The following ACOXL variants were observed in gnomAD, a reference collection of about 807,000 sequenced individuals.
ACOXL encodes the protein acyl-CoA oxidase like.
Under a neutral mutation model 71.9 loss-of-function variants are expected in ACOXL, and 70 were observed. That is an observed-to-expected ratio of 0.97 (90% CI 0.80 to 1.19). ACOXL has a LOEUF of 1.19. Among genes scored for constraint, ACOXL ranks in the 50% most tolerant of loss-of-function variants. The pLI, the probability that ACOXL is intolerant of heterozygous loss-of-function variation, is 0.00. For missense variants in ACOXL, 703 were observed against 736.3 expected, an observed-to-expected ratio of 0.95 and a Z score of 0.52; for synonymous variants, 253 against 281.6, an observed-to-expected ratio of 0.90 and a Z score of 1.02.
chr2:110,967,974 C>A, intron 12 of ACOXL: 1 of 926,778 alleles, frequency 1.1e-6, no homozygotes, highest in South Asian at 1.3e-5. Flanking sequence ...ACAACACACC[C>A]AAATATAGGA....
At chr2:111,044,756 T>C (rs1208415710) in intron 15 of ACOXL, among the ~76,000 whole-genome samples, 1 of 152,220 alleles carries the variant, frequency 6.6e-6, no homozygotes, top group Non-Finnish European at 1.5e-5. Flanking sequence ...GTATCTCCCA[T>C]TTTGTAAGGT....
At chr2:111,074,541 T>C (rs2067502681) in intron 16 of ACOXL, among the ~76,000 whole-genome samples, 1 of 152,150 alleles carries the variant, frequency 6.6e-6, no homozygotes, top group South Asian at 2.1e-4. Flanking sequence ...CATCAATTGA[T>C]ATGATTATGG....
At chr2:111,031,131 TC>T (rs2065244960) in intron 14 of ACOXL, among the ~76,000 whole-genome samples, 1 of 152,214 alleles carries the variant, frequency 6.6e-6, no homozygotes, top group African/African-American at 2.4e-5. Flanking sequence ...TTATGTTAAT[TC>T]CTCACATATA....
chr2:110,970,304 A>T (rs1348418438), intron 12 of ACOXL, among the ~76,000 whole-genome samples: 1 of 152,238 alleles, frequency 6.6e-6, no homozygotes, highest in Non-Finnish European at 1.5e-5. Context: ...ACCTAGTGGA[A>T]TTTATCTCTG....
At chr2:110,739,515 C>A (rs1677249295) in intron 1 of ACOXL, among the ~76,000 whole-genome samples, 1 of 152,220 alleles carries the variant, frequency 6.6e-6, no homozygotes, top group Admixed American at 6.5e-5. Flanking sequence ...AGGGTGTCCA[C>A]AGCATGGAGG....
At chr2:110,840,243 C>G (rs575756638) in intron 9 of ACOXL, among the ~76,000 whole-genome samples, 1 of 152,124 alleles carries the variant, frequency 6.6e-6, no homozygotes, top group Non-Finnish European at 1.5e-5. Flanking sequence ...GCTAGTGAAA[C>G]TTACATAGGC....
intron 14 of ACOXL, among the ~76,000 whole-genome samples, chr2:111,029,893 C>T (rs1364575864): frequency 6.6e-6 from 1 of 152,098 alleles, no homozygotes; most frequent in Non-Finnish European, 1.5e-5. Context: ...CTGAGGGGTG[C>T]AGTTGTAGCC....
intron 10 of ACOXL, among the ~76,000 whole-genome samples, chr2:110,847,069 T>C (rs1691991708): frequency 6.6e-6 from 1 of 152,056 alleles, no homozygotes; most frequent in African/African-American, 2.4e-5. Context: ...GGTTTTTGGG[T>C]GGAATCCACA....
In ACOXL at chr2:110,963,581, G is replaced by C. The variant is rs779548203; in HGVS notation, c.1060-23527G>C. The C allele has an allele frequency of 4.2e-6, 5 of 1,193,526 alleles. No homozygotes were observed. The South Asian group carries it at 7.9e-5, about 19-fold the overall frequency. The allele number at this position is 1,193,526 out of a possible 1,614,324, so 73.9% of individuals were successfully genotyped here. A position where few individuals can be genotyped will look rare whatever the true frequency, so the allele number is the denominator to read the frequency against. On this transcript the variant is annotated intron_variant, in intron 12 of 17. Coordinates refer to ENST00000439055, the MANE Select transcript of ACOXL (RefSeq NM_001142807.4). Reference sequence around the variant, plus strand: ...AAATTTGAAATGTGTGTGTGTGTGTGTGTGTGTGTGTGTGTGTGTGTGTTT... The same window carrying C: ...AAATTTGAAATGTGTGTGTGTGTGTCTGTGTGTGTGTGTGTGTGTGTGTTT...
At chr2:110,881,712 T>A (rs1696672382) in intron 10 of ACOXL, among the ~76,000 whole-genome samples, 1 of 152,196 alleles carries the variant, frequency 6.6e-6, no homozygotes, top group Non-Finnish European at 1.5e-5. Flanking sequence ...TCTAGAGTTT[T>A]ATGTGGGTGG....
intron 12 of ACOXL, among the ~76,000 whole-genome samples, chr2:110,982,293 G>A (rs2062741947): frequency 1.3e-5 from 2 of 152,086 alleles, no homozygotes; most frequent in Non-Finnish European, 2.9e-5. Flanking sequence ...ATTACTCAGA[G>A]CTGCTTACTT....
chr2:110,769,486 CA>C (rs113011269), intron 2 of ACOXL, among the ~76,000 whole-genome samples: 138 of 140,274 alleles, frequency 9.8e-4, no homozygotes, highest in Middle Eastern at 3.6e-3. Context: ...CCTGTCTCCA[CA>C]AAAAAAAAAA....
At chr2:110,892,306 T>C (rs974319927) in intron 10 of ACOXL, among the ~76,000 whole-genome samples, 1 of 152,064 alleles carries the variant, frequency 6.6e-6, no homozygotes, top group Admixed American at 6.6e-5. Context: ...CGCCCTGAAA[T>C]GAAGTCCTGG....
At chr2:110,894,545 A>G (rs1233415464) in intron 10 of ACOXL, among the ~76,000 whole-genome samples, 1 of 152,128 alleles carries the variant, frequency 6.6e-6, no homozygotes, top group East Asian at 1.9e-4. Flanking sequence ...CCGTAACTCC[A>G]TTATCAGGGT....
rs182399341 is a variant in ACOXL, at chr2:110,795,503, A to G, written c.345+1329A>G. 1.0e-3 allele frequency: 160 copies of G among 152,408 alleles called. 2 individuals carry two copies. The highest frequency in any genetic ancestry group is 3.7e-3 in the African/African-American group (153 of 41,594). 9.4% of individuals were successfully genotyped at this position (152,408 alleles called of 1,614,324 possible). ...CCTTTTAACTAAGCATGGCTGTGCC[A>G]TGTACCAGGCTAAGCAGTCTACTTG... is the stretch of plus-strand genomic sequence containing the variant. On this transcript the variant is annotated intron_variant, in intron 5 of 17. Coordinates refer to ENST00000439055, the MANE Select transcript of ACOXL (RefSeq NM_001142807.4).
chr2:111,051,306 A>G (rs1315271529), intron 16 of ACOXL, among the ~76,000 whole-genome samples: 1 of 152,220 alleles, frequency 6.6e-6, no homozygotes, highest in African/African-American at 2.4e-5. Context: ...GAGAAAACCT[A>G]TTCAGGGTGA....
intron 12 of ACOXL, among the ~76,000 whole-genome samples, chr2:110,943,150 GAGAA>G (rs774386991): frequency 1.2e-3 from 97 of 83,676 alleles, no homozygotes; most frequent in African/African-American, 2.1e-3. Flanking sequence ...AAGGAAGAAA[GAGAA>G]AGAAAAAGAA....
At position 110,924,294 on chromosome 2, in the gene ACOXL, G is replaced by A. The variant is rs973905899; in HGVS notation, c.906-9195G>A. 2.0e-5 allele frequency among the ~76,000 whole-genome samples: 3 copies of A among 152,196 alleles called. No individual in the cohort carries two copies. The East Asian group carries it at 5.8e-4, about 29-fold the overall frequency. ...GTAATTGCTGAAGGTTAGGGTGGCT[G>A]TGGCAATGTCTTAAGATAACAACGA... On this transcript the variant is annotated intron_variant, in intron 11 of 17. Transcript: ENST00000439055.
intron 3 of ACOXL, among the ~76,000 whole-genome samples, chr2:110,790,722 C>T (rs114872730): frequency 8.7e-4 from 132 of 152,234 alleles, no homozygotes; most frequent in African/African-American, 3.1e-3. Flanking sequence ...AGTGTCCTCT[C>T]GGAGGACACT....
Sources: allele counts gnomAD v4.1 joint callset (sites outside exome capture counted in the v4.1 genomes callset), GRCh38; gene constraint gnomAD v4.1.1; transcripts MANE v1.5; gene names NCBI Gene and HGNC (gene_info 2026-07-23, HGNC 2026-07-21).